Variants in HEATR3 observed in about 807,000 individuals in gnomAD.
HEATR3 encodes HEAT repeat-containing protein 3.
In HEATR3, 56 loss-of-function variants were observed where a neutral mutation model predicts 72.8. The observed-to-expected ratio is 0.77, with a 90% CI of 0.62 to 0.96. The LOEUF (loss-of-function observed/expected upper bound fraction) is 0.96, where lower values mean the gene tolerates loss of function less well. Among genes scored for constraint, HEATR3 ranks in the 40% least tolerant of loss-of-function variants. The pLI is 0.00. For synonymous variants in HEATR3, 331 were observed against 318.1 expected (o/e 1.04, Z -0.43); for missense variants, 747 against 831.4 (o/e 0.90, Z 1.25).
chr16:50,100,479 C>A, intron 13 of HEATR3, 106 bp downstream of exon 13: 1 of 1,127,122 alleles, frequency 8.9e-7, no homozygotes, highest in South Asian at 1.4e-5. Context: ...GAGAAGAAGT[C>A]ATATCAAGTT....
At chr16:50,070,728 G>A (rs1240358078) in intron 4 of HEATR3, among the ~76,000 whole-genome samples, 2 of 152,018 alleles carry the variant, frequency 1.3e-5, no homozygotes, top group African/African-American at 4.8e-5. Flanking sequence ...TTGGTAAGAG[G>A]CAGGATCAAG....
At chr16:50,100,150 T>A in intron 12 of HEATR3, 80 bp from the exon 13 acceptor site, 1 of 1,395,214 alleles carries the variant, frequency 7.2e-7, no homozygotes, top group South Asian at 1.3e-5. Flanking sequence ...TAGAGGAGAT[T>A]CCTGTCAGTC....
rs1008515194 is a variant in HEATR3, at chr16:50,097,934, A to C, written c.1600-2296A>C. Among the ~76,000 whole-genome samples, 4 of 152,010 alleles carry C rather than the reference A, an allele frequency of 2.6e-5. No homozygotes were observed. The East Asian group carries it at 7.7e-4, about 29-fold the overall frequency. ...GTGAAACTCCGTCTCAAAAAAAAAA[A>C]AAAAAAACCCTGGAATTAGTTACTT... On this transcript the variant is annotated intron_variant, in intron 12 of 14. Coordinates refer to ENST00000299192, the MANE Select transcript of HEATR3 (RefSeq NM_182922.4).
chr16:50,104,102 C>G (rs1481072028), intron 14 of HEATR3, among the ~76,000 whole-genome samples: 1 of 152,102 alleles, frequency 6.6e-6, no homozygotes, highest in African/African-American at 2.4e-5. Flanking sequence ...GTAATCCCAG[C>G]ACTATGGAAG....
intron 11 of HEATR3, among the ~76,000 whole-genome samples, chr16:50,087,097 A>G (rs2037004224): frequency 6.6e-6 from 1 of 152,186 alleles, no homozygotes; most frequent in African/African-American, 2.4e-5. Context: ...TCCCAGAGTC[A>G]AGTTACTGTT....
In HEATR3 at chr16:50,066,173, C is replaced by T. The variant is rs764057233; in HGVS notation, c.42C>T (p.Phe14=). ...CGAAGCGCTTCAAGCGACCTCAGTT[C>T]TCCCCTACGGGCGACTGTCAGGCCG... ...SRTKRFKRPQ[F]SPTGDCQAEA... Residue 14 remains phenylalanine (F), a synonymous_variant, in exon 1 of 15, where the codon TTC becomes TTT. Transcript: ENST00000299192. The T allele has an allele frequency of 6.3e-7, 1 of 1,596,258 alleles. No individual in the cohort carries two copies. Among genetic ancestry groups the T allele is most frequent in the Non-Finnish European group, 8.5e-7 (1 of 1,172,824 alleles).
At chr16:50,098,569 T>C (rs2037297588) in intron 12 of HEATR3, among the ~76,000 whole-genome samples, 1 of 152,032 alleles carries the variant, frequency 6.6e-6, no homozygotes. Flanking sequence ...GGCAGAAGAA[T>C]GGTGTGAACC....
intron 2 of HEATR3, among the ~76,000 whole-genome samples, chr16:50,067,001 TAGTG>T: frequency 6.6e-6 from 1 of 152,016 alleles, no homozygotes; most frequent in Non-Finnish European, 1.5e-5. Flanking sequence ...TAATATTAAA[TAGTG>T]AGAATTGCTG....
At position 50,066,033 on chromosome 16, in the gene HEATR3, G is replaced by A; in HGVS notation, c.-99G>A. The A allele has an allele frequency of 1.8e-6, 2 of 1,121,052 alleles. No individual in the cohort carries two copies. Among genetic ancestry groups the A allele is most frequent in the Non-Finnish European group, 2.3e-6 (2 of 852,934 alleles). 69.4% of individuals were successfully genotyped at this position (1,121,052 alleles called of 1,614,324 possible). On this transcript the variant is annotated 5_prime_UTR_variant, in exon 1 of 15. Transcript: ENST00000299192. Reference sequence around the variant, plus strand: ...TGTGCTGCAGCCGTCAGCCGGCCCAGCTGAGCAGCAGCAACGGACCTTGTT... The same window carrying A: ...TGTGCTGCAGCCGTCAGCCGGCCCAACTGAGCAGCAGCAACGGACCTTGTT...
chr16:50,073,546 T>G (rs1278665571), intron 5 of HEATR3: 1 of 152,134 alleles, frequency 6.6e-6, no homozygotes, highest in East Asian at 1.9e-4. Context: ...CTGAGAAAAT[T>G]TTAAAAATCA....
rs1314674124 is a variant in HEATR3 at position 50,066,254 on chromosome 16, G to A, written c.123G>A (p.Ala41=). The change falls in exon 1 of 15, where the codon GCG becomes GCA. Residue 41 remains alanine (A), a synonymous_variant. Transcript: ENST00000299192. ...TGGEEDDGPA[A]ELLEKLQHPS... ...GCGAGGAGGACGACGGGCCGGCGGCGGAGCTGCTGGAAAAGGTGAGGCGAG... is the reference window on the plus strand; with the variant it reads ...GCGAGGAGGACGACGGGCCGGCGGCAGAGCTGCTGGAAAAGGTGAGGCGAG... 1 of 1,563,500 alleles carries A rather than the reference G, an allele frequency of 6.4e-7. No individual in the cohort carries two copies. The highest frequency in any genetic ancestry group is 8.6e-7 in the Non-Finnish European group (1 of 1,157,458).
chr16:50,079,600 A>C (rs2036820793), intron 7 of HEATR3, among the ~76,000 whole-genome samples: 1 of 152,174 alleles, frequency 6.6e-6, no homozygotes, highest in Non-Finnish European at 1.5e-5. Flanking sequence ...GAAGCATTTC[A>C]GCTGACACAG....
rs141132541 is a variant in HEATR3 at position 50,076,480 on chromosome 16, G to A, written c.763+769G>A. 1.1e-4 allele frequency among the ~76,000 whole-genome samples: 17 copies of A among 152,208 alleles called. No individual in the cohort carries two copies. The East Asian group carries it at 3.1e-3, about 28-fold the overall frequency. ...TGGGATTACAGGTATGAGCCACTGC[G>A]CCTGGCCTGTTTTTTTATTTTAATA... is the stretch of plus-strand genomic sequence containing the variant. On this transcript the variant is annotated intron_variant, in intron 6 of 14. Coordinates refer to ENST00000299192, the MANE Select transcript of HEATR3 (RefSeq NM_182922.4).
At chr16:50,093,087 C>T (rs953136305) in intron 11 of HEATR3, among the ~76,000 whole-genome samples, 4 of 152,072 alleles carry the variant, frequency 2.6e-5, no homozygotes, top group Admixed American at 6.5e-5. Flanking sequence ...GTGATCATTA[C>T]GGGAAATCCC....
rs2037459427 is a variant in HEATR3 at position 50,105,272 on chromosome 16, T to A, written c.*211T>A. Reference sequence around the variant, plus strand: ...ACCGAGGCGGGTGGATCACTTGAGGTCAGGAGTTTGAGGCCAGCCTGGCCA... The same window carrying A: ...ACCGAGGCGGGTGGATCACTTGAGGACAGGAGTTTGAGGCCAGCCTGGCCA... On this transcript the variant is annotated 3_prime_UTR_variant, in exon 15 of 15. Transcript: ENST00000299192. 1 of 449,046 alleles carries A rather than the reference T, an allele frequency of 2.2e-6. No individual in the cohort carries two copies. The highest frequency in any genetic ancestry group is 2.0e-5 in the African/African-American group (1 of 49,092). 27.8% of individuals were successfully genotyped at this position (449,046 alleles called of 1,614,324 possible).
intron 11 of HEATR3, 69 bp downstream of exon 11, chr16:50,086,420 T>C (rs2036989849): frequency 3.4e-6 from 5 of 1,484,606 alleles, no homozygotes; most frequent in Non-Finnish European, 4.5e-6. Flanking sequence ...AATTTGGATT[T>C]TGTAAATGTA....
chr16:50,078,111 G>A (rs1183010241), intron 6 of HEATR3, among the ~76,000 whole-genome samples: 3 of 151,850 alleles, frequency 2.0e-5, no homozygotes, highest in East Asian at 3.9e-4. Context: ...TCCTGACCTC[G>A]AGTGATCCTC....
chr16:50,096,183 G>A (rs1185726724), intron 12 of HEATR3, among the ~76,000 whole-genome samples: 1 of 151,824 alleles, frequency 6.6e-6, no homozygotes, highest in East Asian at 1.9e-4. Flanking sequence ...AAGTTAGCTG[G>A]GCATGGTGGC....
At chr16:50,104,861 C>A in intron 14 of HEATR3, 78 bp from the exon 15 acceptor site, 1 of 1,310,780 alleles carries the variant, frequency 7.6e-7, no homozygotes, top group African/African-American at 1.5e-5. Flanking sequence ...GTTAAATACA[C>A]CCTAAATTAA....
Sources: allele counts gnomAD v4.1 joint callset (sites outside exome capture counted in the v4.1 genomes callset), GRCh38; gene constraint gnomAD v4.1.1; transcripts MANE v1.5; gene names NCBI Gene and HGNC (gene_info 2026-07-23, HGNC 2026-07-21).